The following ITPRID1 variants were observed in gnomAD, a reference collection of about 807,000 sequenced individuals.
ITPRID1 encodes protein ITPRID1.
In ITPRID1, 96 loss-of-function variants were observed where a neutral mutation model predicts 95.4. The ratio of observed to expected loss-of-function variants is 1.01; its 90% CI spans 0.85 to 1.19. ITPRID1 has a LOEUF of 1.19. ITPRID1 is among the 50% of genes most tolerant of loss of function. The pLI, the probability that ITPRID1 is intolerant of heterozygous loss-of-function variation, is 0.00. For synonymous variants in ITPRID1, 510 were observed against 453.6 expected (o/e 1.12, Z -1.58); for missense variants, 1,339 against 1,252.9 (o/e 1.07, Z -1.04).
At chr7:31,605,131 C>T (rs1361500698) in intron 10 of ITPRID1, among the ~76,000 whole-genome samples, 1 of 74,256 alleles carries the variant, frequency 1.3e-5, no homozygotes, top group Non-Finnish European at 2.7e-5. Context: ...GAGGGAGACC[C>T]CATCTCAAAA....
At chr7:31,637,719 G>A (rs910160842) in intron 10 of ITPRID1, among the ~76,000 whole-genome samples, 2 of 152,112 alleles carry the variant, frequency 1.3e-5, no homozygotes, top group African/African-American at 4.8e-5. Context: ...TTCTATTGCT[G>A]TGCAGAAGCT....
chr7:31,657,315 G>A (rs1259166904), downstream of ITPRID1, among the ~76,000 whole-genome samples: 1 of 152,094 alleles, frequency 6.6e-6, no homozygotes, highest in Non-Finnish European at 1.5e-5. Flanking sequence ...GGGTTTATGT[G>A]GTGCCTAACA....
chr7:31,592,913 T>C (rs1785928536), intron 10 of ITPRID1, among the ~76,000 whole-genome samples: 3 of 152,178 alleles, frequency 2.0e-5, no homozygotes, highest in Admixed American at 1.3e-4. Context: ...CAAAAACTAA[T>C]CGGAGTTATA....
At chr7:31,630,120 G>A (rs1788856171) in intron 10 of ITPRID1, among the ~76,000 whole-genome samples, 1 of 151,008 alleles carries the variant, frequency 6.6e-6, no homozygotes, top group South Asian at 2.1e-4. Flanking sequence ...TTAATTCTTG[G>A]TGTTTGAAAT....
intron 10 of ITPRID1, among the ~76,000 whole-genome samples, chr7:31,597,399 T>C (rs762968473): frequency 2.0e-5 from 3 of 151,576 alleles, no homozygotes; most frequent in Non-Finnish European, 2.9e-5. Context: ...AGTAGAATAA[T>C]AAGGTTTAAC....
Position 31,643,818 on chromosome 7 carries a change from C to G in ITPRID1, c.2448C>G (p.His816Gln), listed in dbSNP as rs76733226. The change falls in exon 12 of 15, where the codon CAC becomes CAG. Residue 816 changes from histidine (H) to glutamine (Q), a missense_variant. His to Gln is a conservative substitution (Grantham distance 24, BLOSUM62 0). Transcript: ENST00000615280. ...GCTGTCATCACCACCCTCACTGCCA[C>G]GGGGAGAGGCAAAGCCCTGGCCCTG... Reference protein sequence around the residue: ...CICCHHHPHCHGERQSPGPEP... With the variant: ...CICCHHHPHCQGERQSPGPEP... The G allele has an allele frequency of 1.9e-6, 3 of 1,613,832 alleles. No individual in the cohort carries two copies. The South Asian group carries it at 3.3e-5, about 18-fold the overall frequency.
rs1302585727 is a variant in ITPRID1, at chr7:31,643,043, C to T, written c.1673C>T (p.Ala558Val). The T allele has an allele frequency of 6.2e-7, 1 of 1,614,024 alleles. No homozygotes were observed. Among genetic ancestry groups the T allele is most frequent in the Non-Finnish European group, 8.5e-7 (1 of 1,179,900 alleles). The change falls in exon 12 of 15, where the codon GCC becomes GTC. Residue 558 changes from alanine (A) to valine (V), a missense_variant. Ala to Val is a moderately conservative substitution (Grantham distance 64). Coordinates refer to ENST00000615280, the MANE Select transcript of ITPRID1 (RefSeq NM_001257967.3). ...HAEYEVTRPTATSKYDHPLGF... is the reference protein window; with the variant it reads ...HAEYEVTRPTVTSKYDHPLGF... ...GAGTATGAGGTCACCAGACCCACAG[C>T]CACTTCCAAATATGATCATCCTCTG...
intron 9 of ITPRID1, among the ~76,000 whole-genome samples, chr7:31,581,318 C>T (rs1029385463): frequency 1.3e-5 from 2 of 152,094 alleles, no homozygotes; most frequent in African/African-American, 4.8e-5. Flanking sequence ...CAAAATTGTG[C>T]ATAGATTTTT....
At chr7:31,521,769 A>G (rs1206006904) in intron 1 of ITPRID1, among the ~76,000 whole-genome samples, 1 of 140,030 alleles carries the variant, frequency 7.1e-6, no homozygotes, top group Non-Finnish European at 1.5e-5. Context: ...CACCCAAGCT[A>G]TAGTACAGTG....
Position 31,578,152 on chromosome 7 carries a change from G to C in ITPRID1, c.888G>C (p.Glu296Asp), listed in dbSNP as rs760892295. ...CAAAACCATGGGATTGTGGAGCAGA[G>C]CTAGCAGCAACCTCAATCAACCACA... ...PFTKPWDCGAELAATSINHKQ... is the reference protein window; with the variant it reads ...PFTKPWDCGADLAATSINHKQ... The change falls in exon 9 of 15, where the codon GAG (glutamate) becomes GAC (aspartate). Residue 296 changes from glutamate (E) to aspartate (D), a missense_variant. By Grantham distance (45) the Glu-to-Asp change is conservative. Transcript: ENST00000615280. 1.9e-6 allele frequency: 3 copies of C among 1,613,762 alleles called. No individual in the cohort carries two copies. In the Admixed American group the frequency reaches 5.0e-5, roughly 27 times the overall value.
At chr7:31,617,533 A>G (rs1787371652) in intron 10 of ITPRID1, among the ~76,000 whole-genome samples, 1 of 152,170 alleles carries the variant, frequency 6.6e-6, no homozygotes, top group Admixed American at 6.5e-5. Flanking sequence ...GTGAGTGGAG[A>G]TAAGAGTTCA....
intron 1 of ITPRID1, chr7:31,529,896 CTCA>C: frequency 1.7e-6 from 2 of 1,161,334 alleles, no homozygotes; most frequent in Non-Finnish European, 2.5e-6. Flanking sequence ...GCTGTCTGCT[CTCA>C]TTTTCTCTCA....
intron 5 of ITPRID1, among the ~76,000 whole-genome samples, chr7:31,567,852 G>A (rs565502308): frequency 2.2e-4 from 33 of 152,300 alleles, no homozygotes; most frequent in African/African-American, 6.7e-4. Context: ...ATTGCCAGGC[G>A]TGGTGGCTCA....
chr7:31,578,496 T>C lies in ITPRID1; in HGVS notation c.1170+62T>C, dbSNP rs562439217. The C allele has an allele frequency of 1.5e-3, 1,858 of 1,253,992 alleles. 5 individuals carry two copies. Among genetic ancestry groups the C allele is most frequent in the Non-Finnish European group, 1.9e-3 (1,747 of 907,848 alleles). 77.7% of individuals were successfully genotyped at this position (1,253,992 alleles called of 1,614,324 possible). Reference sequence around the variant, plus strand: ...AATAACCTTCACTATGACACCCTTGTTTTCCAGCCCTCATTTCACCACTTC... The same window carrying C: ...AATAACCTTCACTATGACACCCTTGCTTTCCAGCCCTCATTTCACCACTTC... On this transcript the variant is annotated intron_variant, in intron 9 of 14. Coordinates refer to ENST00000615280, the MANE Select transcript of ITPRID1 (RefSeq NM_001257967.3).
chr7:31,549,903 C>CAA (rs1385262759), intron 2 of ITPRID1, among the ~76,000 whole-genome samples: 2 of 152,144 alleles, frequency 1.3e-5, no homozygotes, highest in African/African-American at 2.4e-5. Flanking sequence ...TGAAATAACT[C>CAA]AGAGGACAAG....
At chr7:31,632,140 A>T (rs914763415) in intron 10 of ITPRID1, among the ~76,000 whole-genome samples, 11 of 152,196 alleles carry the variant, frequency 7.2e-5, no homozygotes, top group Non-Finnish European at 1.6e-4. Context: ...CAATTTCAGA[A>T]TGAAGATTAA....
At chr7:31,613,037 T>G (rs1786950249) in intron 10 of ITPRID1, among the ~76,000 whole-genome samples, 2 of 152,190 alleles carry the variant, frequency 1.3e-5, no homozygotes, top group South Asian at 4.1e-4. Context: ...AAGACAGGCC[T>G]ACTGAATGGG....
At position 31,654,560 on chromosome 7, in the gene ITPRID1, A is replaced by G. The variant is rs1031044810; in HGVS notation, c.*1731A>G. On this transcript the variant is annotated 3_prime_UTR_variant, in exon 15 of 15. Coordinates refer to ENST00000615280, the MANE Select transcript of ITPRID1 (RefSeq NM_001257967.3). ...CAGTGAGGCAGAGTGCCCAGCTAGG[A>G]GGCTGTTGCTGTCATCCCCAAGGTG... Among the ~76,000 whole-genome samples the G allele has an allele frequency of 2.0e-5, 3 of 152,110 alleles. No individual in the cohort carries two copies. The highest frequency in any genetic ancestry group is 4.8e-5 in the African/African-American group (2 of 41,412).
rs539582663 is a variant in ITPRID1, at chr7:31,599,049, T to C, written c.1228+15858T>C. Among the ~76,000 whole-genome samples the C allele has an allele frequency of 1.0e-3, 154 of 152,316 alleles. 1 individual carries two copies. Among genetic ancestry groups the C allele is most frequent in the African/African-American group, 3.5e-3 (147 of 41,580 alleles). On this transcript the variant is annotated intron_variant, in intron 10 of 14. Coordinates refer to ENST00000615280, the MANE Select transcript of ITPRID1 (RefSeq NM_001257967.3). ...ATGCATAGATCCCTTAACCCAGCCA[T>C]TCAGCTTTTAGTATATATCCTAAAG...
Sources: gnomAD v4.1 joint callset for allele counts (sites outside exome capture counted in the v4.1 genomes callset) on GRCh38, gnomAD v4.1.1 for gene constraint, MANE v1.5 for transcripts, NCBI Gene and HGNC (gene_info 2026-07-23, HGNC 2026-07-21) for gene names.